The following GABRB3 variants were observed in gnomAD, a reference collection of about 807,000 sequenced individuals.
GABRB3 encodes gamma-aminobutyric acid type A receptor subunit beta3.
GABRB3 carries 14 observed loss-of-function variants against 52.1 expected under a neutral mutation model. The observed-to-expected ratio is 0.27, with a 90% CI of 0.18 to 0.42. GABRB3 has a LOEUF of 0.42. Ranked by LOEUF, GABRB3 falls within the 10% of genes least tolerant of loss-of-function variation. The pLI is 1.00. For synonymous variants in GABRB3, 260 were observed against 232.3 expected (o/e 1.12, Z -1.08); for missense variants, 307 against 609.1 (o/e 0.50, Z 5.22).
intron 4 of GABRB3, among the ~76,000 whole-genome samples, chr15:26,595,850 TC>T (rs1361172309): frequency 6.6e-6 from 1 of 152,178 alleles, no homozygotes; most frequent in Non-Finnish European, 1.5e-5. Flanking sequence ...GAGGTCAACT[TC>T]GATTGTCCTA....
At chr15:26,720,987 G>C (rs1373192871) in intron 3 of GABRB3, among the ~76,000 whole-genome samples, 1 of 152,072 alleles carries the variant, frequency 6.6e-6, no homozygotes. Context: ...GTGTGTAGGG[G>C]GTAGACCGCC....
chr15:26,732,120 A>G (rs2059576), intron 3 of GABRB3, among the ~76,000 whole-genome samples: 94,527 of 151,322 alleles, frequency 0.62, 29,840 homozygotes, highest in East Asian at 0.89. Flanking sequence ...ATGGATGGAC[A>G]GACAGATGGA....
chr15:26,644,665 T>G (rs571122230), intron 3 of GABRB3, among the ~76,000 whole-genome samples: 1 of 152,286 alleles, frequency 6.6e-6, no homozygotes, highest in Admixed American at 6.5e-5. Context: ...TACATTGCCA[T>G]GGCAGCCCTA....
At chr15:26,648,633 G>A (rs1887090854) in intron 3 of GABRB3, among the ~76,000 whole-genome samples, 1 of 152,222 alleles carries the variant, frequency 6.6e-6, no homozygotes, top group South Asian at 2.1e-4. Context: ...CAAGAATAAT[G>A]TGGCAAAAAA....
intron 3 of GABRB3, among the ~76,000 whole-genome samples, chr15:26,675,740 A>T (rs946664518): frequency 6.6e-6 from 1 of 152,154 alleles, no homozygotes; most frequent in Non-Finnish European, 1.5e-5. Flanking sequence ...AGGAGGTAAC[A>T]TCAAGGGTAA....
intron 3 of GABRB3, among the ~76,000 whole-genome samples, chr15:26,707,674 C>T (rs564751860): frequency 6.6e-6 from 1 of 152,270 alleles, no homozygotes; most frequent in South Asian, 2.1e-4. Context: ...GGGTTCACTG[C>T]CCCAGGCTAA....
At chr15:26,700,521 G>A (rs149793993) in intron 3 of GABRB3, among the ~76,000 whole-genome samples, 1 of 152,272 alleles carries the variant, frequency 6.6e-6, no homozygotes, top group East Asian at 1.9e-4. Context: ...TTCAAGGGAG[G>A]AAAACTGCAG....
rs369697488 is a variant in GABRB3, at chr15:26,737,394, A to C, written c.240+35008T>G. 5.9e-5 allele frequency among the ~76,000 whole-genome samples: 9 copies of C among 152,340 alleles called. No homozygotes were observed. In the South Asian group the frequency reaches 1.2e-3, roughly 21 times the overall value. ...AACATTTTCACCAAGATAAAAACTG[A>C]AACTAAAGATGAATGTTGCAGGACA... On this transcript the variant is annotated intron_variant, in intron 3 of 8. Transcript: ENST00000311550.
Position 26,547,736 on chromosome 15 carries a change from C to A in GABRB3, c.*57G>T, listed in dbSNP as rs1295790024. 2.1e-6 allele frequency: 3 copies of A among 1,416,908 alleles called. No individual in the cohort carries two copies. Among genetic ancestry groups the A allele is most frequent in the African/African-American group, 2.8e-5 (2 of 70,828 alleles). 87.8% of individuals were successfully genotyped at this position (1,416,908 alleles called of 1,614,324 possible). Reference sequence around the variant, plus strand: ...TGTACAGGTATAAAAACTTGACAGGCAGAGTAATATTTCACTCAGTGTTAA... The same window carrying A: ...TGTACAGGTATAAAAACTTGACAGGAAGAGTAATATTTCACTCAGTGTTAA... On this transcript the variant is annotated 3_prime_UTR_variant, in exon 9 of 9. Coordinates refer to ENST00000311550, the MANE Select transcript of GABRB3 (RefSeq NM_000814.6).
intron 3 of GABRB3, among the ~76,000 whole-genome samples, chr15:26,707,389 T>C (rs760411210): frequency 3.3e-5 from 5 of 152,080 alleles, no homozygotes; most frequent in East Asian, 1.9e-4. Flanking sequence ...TGGCAAGATG[T>C]TGAATGAAAA....
At chr15:26,765,679 C>T (rs1008067392) in intron 3 of GABRB3, among the ~76,000 whole-genome samples, 4 of 152,110 alleles carry the variant, frequency 2.6e-5, no homozygotes, top group Admixed American at 6.5e-5. Flanking sequence ...CCCTGCCTCA[C>T]GGAGTGTATG....
chr15:26,554,176 G>GAGTATATATA (rs71420007), intron 8 of GABRB3, among the ~76,000 whole-genome samples: 15 of 27,338 alleles, frequency 5.5e-4, no homozygotes, highest in East Asian at 1.5e-3. Flanking sequence ...TATATATAAA[G>GAGTATATATA]TATATATATA....
chr15:26,668,495 TC>T (rs1474141673), intron 3 of GABRB3, among the ~76,000 whole-genome samples: 1 of 152,096 alleles, frequency 6.6e-6, no homozygotes, highest in Non-Finnish European at 1.5e-5. Context: ...ACCCTCAGCC[TC>T]ATACATACAG....
At chr15:26,750,887 A>G (rs1890487743) in intron 3 of GABRB3, among the ~76,000 whole-genome samples, 1 of 152,222 alleles carries the variant, frequency 6.6e-6, no homozygotes, top group Non-Finnish European at 1.5e-5. Flanking sequence ...AGTTTCTATC[A>G]TGAATTACAG....
intron 3 of GABRB3, chr15:26,658,645 T>A (rs1329391285): frequency 6.6e-6 from 1 of 152,238 alleles, no homozygotes; most frequent in Non-Finnish European, 1.5e-5. Context: ...GCCTGAAGTG[T>A]ACATTTTAAA....
chr15:26,616,178 T>C, intron 4 of GABRB3: 1 of 925,152 alleles, frequency 1.1e-6, no homozygotes, highest in Admixed American at 2.3e-5. Flanking sequence ...AAGGTGGGCC[T>C]TGGGGCCAAG....
intron 3 of GABRB3, among the ~76,000 whole-genome samples, chr15:26,677,636 G>A (rs1409053079): frequency 1.3e-5 from 2 of 152,186 alleles, no homozygotes; most frequent in South Asian, 2.1e-4. Context: ...GGAAAAGAAA[G>A]ACAATTTACG....
chr15:26,594,000 A>ATATATATG (rs1566764200), intron 4 of GABRB3, among the ~76,000 whole-genome samples: 1 of 136,982 alleles, frequency 7.3e-6, no homozygotes, highest in East Asian at 2.1e-4. Flanking sequence ...ATATATATAT[A>ATATATATG]TATAATAGCC....
chr15:26,578,641 G>A (rs1436883931), intron 6 of GABRB3, among the ~76,000 whole-genome samples: 1 of 152,218 alleles, frequency 6.6e-6, no homozygotes, highest in Non-Finnish European at 1.5e-5. Flanking sequence ...GCTTTCTAAT[G>A]AGGCTGCATG....
Sources: gnomAD v4.1 joint callset for allele counts (sites outside exome capture counted in the v4.1 genomes callset) on GRCh38, gnomAD v4.1.1 for gene constraint, MANE v1.5 for transcripts, NCBI Gene and HGNC (gene_info 2026-07-23, HGNC 2026-07-21) for gene names.